The following CADPS variants were observed in gnomAD, a reference collection of about 807,000 sequenced individuals.
CADPS encodes the protein calcium dependent secretion activator.
CADPS carries 57 observed loss-of-function variants against 167.3 expected under a neutral mutation model. The observed-to-expected ratio is 0.34, with a 90% CI of 0.28 to 0.42. The LOEUF (loss-of-function observed/expected upper bound fraction) is 0.42. Among genes scored for constraint, CADPS ranks in the 20% least tolerant of loss-of-function variants. The pLI, the probability that CADPS is intolerant of heterozygous loss-of-function variation, is 1.00. For missense variants in CADPS, 1,414 were observed against 1,738.1 expected (o/e 0.81, Z 3.32); for synonymous variants, 676 against 635.3 (o/e 1.06, Z -0.96).
intron 13 of CADPS, among the ~76,000 whole-genome samples, chr3:62,526,050 C>T (rs2072102791): frequency 6.6e-6 from 1 of 152,050 alleles, no homozygotes; most frequent in Non-Finnish European, 1.5e-5. Flanking sequence ...AAAGAGAAGT[C>T]AAGGATGGCT....
intron 17 of CADPS, among the ~76,000 whole-genome samples, chr3:62,511,318 T>C (rs1463463837): frequency 6.6e-6 from 1 of 152,110 alleles, no homozygotes; most frequent in Non-Finnish European, 1.5e-5. Flanking sequence ...TGCAGCTACG[T>C]TGAATTAATT....
chr3:62,724,720 A>G (rs879606891), intron 3 of CADPS, among the ~76,000 whole-genome samples: 13 of 152,188 alleles, frequency 8.5e-5, no homozygotes, highest in Non-Finnish European at 1.9e-4. Flanking sequence ...CCAAGGGCCC[A>G]CACATGAGAA....
intron 1 of CADPS, among the ~76,000 whole-genome samples, chr3:62,846,766 C>T (rs1381590785): frequency 6.6e-6 from 1 of 152,080 alleles, no homozygotes; most frequent in African/African-American, 2.4e-5. Flanking sequence ...AGAGTTCGAG[C>T]AATTCTTTTG....
intron 10 of CADPS, among the ~76,000 whole-genome samples, chr3:62,554,574 G>A (rs1869115): frequency 1.3e-5 from 2 of 152,074 alleles, no homozygotes; most frequent in Admixed American, 1.3e-4. Flanking sequence ...CAGTTGAGGA[G>A]ACTCCTCAAA....
At chr3:62,835,221 T>C (rs2075723848) in intron 1 of CADPS, among the ~76,000 whole-genome samples, 2 of 152,276 alleles carry the variant, frequency 1.3e-5, no homozygotes, top group Admixed American at 1.3e-4. Context: ...AATTACCTTT[T>C]CCCATTAAGT....
In CADPS at chr3:62,512,766, T is replaced by C. The variant is rs1561478809; in HGVS notation, c.2584A>G (p.Asn862Asp). 1 of 1,604,684 alleles carries C rather than the reference T, an allele frequency of 6.2e-7. No individual in the cohort carries two copies. Among genetic ancestry groups the C allele is most frequent in the South Asian group, 1.1e-5 (1 of 89,712 alleles). The change falls in exon 17 of 30, where the codon AAT (asparagine) becomes GAT (aspartate). Residue 862 changes from asparagine to aspartate, a missense_variant and splice_region_variant. Asn to Asp is a conservative substitution (Grantham distance 23). Around this residue, in one of 6 missense-constraint regions of CADPS, gnomAD observed 529 missense variants for 629.6 expected, o/e 0.84. Coordinates refer to ENST00000383710, the MANE Select transcript of CADPS (RefSeq NM_003716.4). ...RLSEYAKIEENQKDAENVGRL... is the reference protein window; with the variant it reads ...RLSEYAKIEEDQKDAENVGRL... Reference sequence around the variant, plus strand: ...ATTGGTTCACCTGCATCCTTTTGATTCTCTATTTGAAAGAGAGAGCACAAC... The same window carrying C: ...ATTGGTTCACCTGCATCCTTTTGATCCTCTATTTGAAAGAGAGAGCACAAC...
At chr3:62,408,671 T>C (rs1490394720) in intron 28 of CADPS, among the ~76,000 whole-genome samples, 1 of 152,200 alleles carries the variant, frequency 6.6e-6, no homozygotes, top group African/African-American at 2.4e-5. Context: ...GAGTCTTAAT[T>C]CCTGACCCCC....
chr3:62,823,018 T>C (rs1559789254), intron 1 of CADPS, among the ~76,000 whole-genome samples: 1 of 152,138 alleles, frequency 6.6e-6, no homozygotes, highest in African/African-American at 2.4e-5. Context: ...GTCAGAAAAT[T>C]GCAAATGCTT....
chr3:62,437,901 G>T (rs1312647598), intron 28 of CADPS, among the ~76,000 whole-genome samples: 1 of 152,086 alleles, frequency 6.6e-6, no homozygotes, highest in South Asian at 2.1e-4. Flanking sequence ...ACACAGATTG[G>T]GACTGAGACA....
chr3:62,490,410 T>C (rs568602776), intron 21 of CADPS, among the ~76,000 whole-genome samples: 17 of 152,196 alleles, frequency 1.1e-4, no homozygotes, highest in Non-Finnish European at 2.4e-4. Flanking sequence ...ACTCTCCATA[T>C]AGGAGTCTCT....
chr3:62,634,528 G>A (rs1026224733), intron 6 of CADPS, among the ~76,000 whole-genome samples: 6 of 152,152 alleles, frequency 3.9e-5, no homozygotes, highest in Non-Finnish European at 5.9e-5. Flanking sequence ...AAGTCAGAAT[G>A]ATATGCATTG....
In CADPS at chr3:62,592,624, A is replaced by G; in HGVS notation, c.1437+13T>C. On this transcript the variant is annotated intron_variant, in intron 7 of 29. Transcript: ENST00000383710. ...CTCTCTGTGGAGTTCCCCTTGTGAT[A>G]AGAAGTGCTTACCCGCCCAAGCTCC... The G allele has an allele frequency of 6.2e-7, 1 of 1,601,288 alleles. No individual in the cohort carries two copies. Among genetic ancestry groups the G allele is most frequent in the Non-Finnish European group, 8.6e-7 (1 of 1,168,574 alleles).
At chr3:62,832,948 A>C (rs1287598095) in intron 1 of CADPS, among the ~76,000 whole-genome samples, 1 of 152,254 alleles carries the variant, frequency 6.6e-6, no homozygotes, top group Admixed American at 6.5e-5. Context: ...AACAACAACC[A>C]ACAACTTCTT....
At chr3:62,779,574 T>C (rs753175105) in intron 1 of CADPS, 12 of 533,172 alleles carry the variant, frequency 2.3e-5, no homozygotes, top group Non-Finnish European at 3.8e-5. Flanking sequence ...TTATGGGACA[T>C]AATTCTGCTG....
At chr3:62,748,988 CCTTACTTTTTTT>C (rs1690173057) in intron 3 of CADPS, among the ~76,000 whole-genome samples, 1 of 152,204 alleles carries the variant, frequency 6.6e-6, no homozygotes, top group South Asian at 2.1e-4. Context: ...GCTCAGCCTA[CCTTACTTTTTTT>C]GAGTTACCTT....
chr3:62,696,874 C>T (rs1217007866), intron 3 of CADPS, among the ~76,000 whole-genome samples: 1 of 151,984 alleles, frequency 6.6e-6, no homozygotes, highest in Non-Finnish European at 1.5e-5. Flanking sequence ...CTAGAGCACC[C>T]CTCCTTGATA....
intron 1 of CADPS, among the ~76,000 whole-genome samples, chr3:62,849,590 C>T (rs1244368804): frequency 1.3e-4 from 16 of 126,296 alleles, no homozygotes; most frequent in South Asian, 5.5e-4. Context: ...TATTGATTTG[C>T]GTATATTGAA....
In CADPS at chr3:62,753,681, C is replaced by G; in HGVS notation, c.648G>C (p.Glu216Asp). ...TCTCAGGCAGGCTGCGCACTCTCTT[C>G]TCAATGTGCTTCTTGAAGACCTCCC... ...DSREVFKKHI[E>D]KRVRSLPEID... Residue 216 changes from glutamate (E) to aspartate (D), a missense_variant, in exon 3 of 30, where the codon GAG becomes GAC. Physicochemically the swap from Glu to Asp is conservative, Grantham distance 45. This residue lies in a region of CADPS where 522 missense variants were observed against 559.5 expected (regional missense o/e 0.93). Coordinates refer to ENST00000383710, the MANE Select transcript of CADPS (RefSeq NM_003716.4). The surrounding 1 kb of genome is among the most constrained non-coding windows in gnomAD (Gnocchi z 4.6). 6.2e-7 allele frequency: 1 copy of G among 1,614,198 alleles called. No homozygotes were observed. Among genetic ancestry groups the G allele is most frequent in the Non-Finnish European group, 8.5e-7 (1 of 1,180,034 alleles).
In CADPS at chr3:62,858,526, T is replaced by C. The variant is rs543552954; in HGVS notation, c.441+16063A>G. ...CTGTATCTACTTCTAAAGCTGGGAA[T>C]GGGGTATAATTTTTCATACCTGAAA... On this transcript the variant is annotated intron_variant, in intron 1 of 29. Coordinates refer to ENST00000383710, the MANE Select transcript of CADPS (RefSeq NM_003716.4). 5.9e-5 allele frequency among the ~76,000 whole-genome samples: 9 copies of C among 152,224 alleles called. No individual in the cohort carries two copies. The East Asian group carries it at 1.4e-3, about 23-fold the overall frequency.
Sources: allele counts gnomAD v4.1 joint callset (sites outside exome capture counted in the v4.1 genomes callset), GRCh38; gene constraint gnomAD v4.1.1; regional missense constraint gnomAD v4.1.1; non-coding constraint Gnocchi (gnomAD v3.1); transcripts MANE v1.5; gene names NCBI Gene and HGNC (gene_info 2026-07-23, HGNC 2026-07-21).